Variants in RUNX2 observed in about 807,000 individuals in gnomAD.
RUNX2 encodes RUNX family transcription factor 2.
Under a neutral mutation model 51.7 loss-of-function variants are expected in RUNX2, and 10 were observed. That is an observed-to-expected ratio of 0.19 (90% confidence interval 0.12 to 0.33). The LOEUF (loss-of-function observed/expected upper bound fraction) is 0.33, where lower values mean the gene tolerates loss of function less well. Ranked by LOEUF, RUNX2 falls within the 10% of genes least tolerant of loss-of-function variation. The probability of loss-of-function intolerance (pLI) is 1.00; values close to 1 mark genes in which losing one functional copy is unlikely to be tolerated. For missense variants in RUNX2, 562 were observed against 691.3 expected, an observed-to-expected ratio of 0.81 and a Z score of 2.10; for synonymous variants, 276 against 273.6, an observed-to-expected ratio of 1.01 and a Z score of -0.09.
chr6:45,343,108 T>A (rs1790151396), intron 2 of RUNX2, among the ~76,000 whole-genome samples: 1 of 152,320 alleles, frequency 6.6e-6, no homozygotes, highest in Non-Finnish European at 1.5e-5. Flanking sequence ...ATTACAATTA[T>A]TAAATATAAT....
chr6:45,352,381 C>T (rs977926763), intron 2 of RUNX2, among the ~76,000 whole-genome samples: 2 of 151,970 alleles, frequency 1.3e-5, no homozygotes, highest in African/African-American at 4.8e-5. Flanking sequence ...AGTTTATGAA[C>T]TCTTATTATA....
intron 5 of RUNX2, among the ~76,000 whole-genome samples, chr6:45,482,088 G>A (rs1271673408): frequency 6.6e-6 from 1 of 152,220 alleles, no homozygotes; most frequent in Non-Finnish European, 1.5e-5. Flanking sequence ...ACATGGGAGA[G>A]GAGCTACGGC....
intron 2 of RUNX2, among the ~76,000 whole-genome samples, chr6:45,334,328 A>G (rs1788106040): frequency 6.6e-6 from 1 of 150,984 alleles, no homozygotes; most frequent in South Asian, 2.1e-4. Context: ...ACTAAGTTAA[A>G]ACTCAAGAAC....
chr6:45,498,925 G>GAAAC (rs1800723777), intron 6 of RUNX2, among the ~76,000 whole-genome samples: 1 of 152,194 alleles, frequency 6.6e-6, no homozygotes, highest in African/African-American at 2.4e-5. Flanking sequence ...TCTTTAATGT[G>GAAAC]AAACAAGTTG....
At chr6:45,466,715 A>C (rs923065337) in intron 5 of RUNX2, among the ~76,000 whole-genome samples, 1 of 152,218 alleles carries the variant, frequency 6.6e-6, no homozygotes, top group African/African-American at 2.4e-5. Flanking sequence ...TGGAGAGATA[A>C]ATCCTATTTC....
intron 5 of RUNX2, among the ~76,000 whole-genome samples, chr6:45,450,382 T>G (rs1034884667): frequency 6.6e-6 from 1 of 152,224 alleles, no homozygotes; most frequent in African/African-American, 2.4e-5. Context: ...TGTAAATATT[T>G]CCGGCATGGG....
intron 2 of RUNX2, among the ~76,000 whole-genome samples, chr6:45,331,131 G>A (rs1200252704): frequency 4.9e-5 from 7 of 142,138 alleles, no homozygotes; most frequent in Admixed American, 7.5e-5. Context: ...GTGTGTGCGC[G>A]CGCGCGCGCA....
intron 3 of RUNX2, among the ~76,000 whole-genome samples, chr6:45,430,416 G>A (rs948103185): frequency 1.3e-5 from 2 of 152,108 alleles, no homozygotes; most frequent in African/African-American, 2.4e-5. Flanking sequence ...TGGAAGGAAT[G>A]GAACTGAGAA....
intron 2 of RUNX2, among the ~76,000 whole-genome samples, chr6:45,387,174 T>C (rs1797367620): frequency 6.6e-6 from 1 of 152,188 alleles, no homozygotes; most frequent in South Asian, 2.1e-4. Flanking sequence ...GTTTCTTGAC[T>C]TACTGAGTGG....
At chr6:45,415,789 A>G (rs2150358765) in intron 2 of RUNX2, among the ~76,000 whole-genome samples, 1 of 152,342 alleles carries the variant, frequency 6.6e-6, no homozygotes, top group East Asian at 1.9e-4. Context: ...ATAAAGAGAA[A>G]TATTTAATGG....
At chr6:45,503,148 G>A (rs1800848759) in intron 6 of RUNX2, among the ~76,000 whole-genome samples, 2 of 151,994 alleles carry the variant, frequency 1.3e-5, no homozygotes, top group African/African-American at 4.8e-5. Context: ...CCATTTTATG[G>A]TACCATGAAC....
At chr6:45,495,325 A>G (rs963593254) in intron 6 of RUNX2, among the ~76,000 whole-genome samples, 3 of 152,228 alleles carry the variant, frequency 2.0e-5, no homozygotes, top group Non-Finnish European at 2.9e-5. Context: ...AGAGGATATC[A>G]TATCTGTCTT....
chr6:45,371,069 C>A (rs1362821069), intron 2 of RUNX2, among the ~76,000 whole-genome samples: 3 of 152,092 alleles, frequency 2.0e-5, no homozygotes, highest in Non-Finnish European at 4.4e-5. Flanking sequence ...TAAAGAGTTA[C>A]TTAATGGTTA....
At chr6:45,364,981 GAACT>G (rs546593485) in intron 2 of RUNX2, among the ~76,000 whole-genome samples, 1 of 152,144 alleles carries the variant, frequency 6.6e-6, no homozygotes, top group East Asian at 1.9e-4. Flanking sequence ...TTATAAAGAT[GAACT>G]AATACTCATT....
intron 2 of RUNX2, among the ~76,000 whole-genome samples, chr6:45,379,020 C>T (rs1039103581): frequency 1.3e-5 from 2 of 152,154 alleles, no homozygotes; most frequent in African/African-American, 2.4e-5. Context: ...ATTTTCTTGC[C>T]TATAGATACT....
At chr6:45,453,141 C>G (rs1799222736) in intron 5 of RUNX2, among the ~76,000 whole-genome samples, 1 of 152,074 alleles carries the variant, frequency 6.6e-6, no homozygotes, top group African/African-American at 2.4e-5. Flanking sequence ...TTTCAAACCT[C>G]TTCTAAAGAT....
At chr6:45,509,377 A>T (rs1403092292) in intron 6 of RUNX2, among the ~76,000 whole-genome samples, 2 of 152,210 alleles carry the variant, frequency 1.3e-5, no homozygotes, top group African/African-American at 4.8e-5. Context: ...AGTGCCAGGT[A>T]CCATATTAGA....
At chr6:45,331,136 C>T (rs761412694) in intron 2 of RUNX2, among the ~76,000 whole-genome samples, 18 of 151,768 alleles carry the variant, frequency 1.2e-4, no homozygotes, top group East Asian at 5.8e-4. Context: ...TGCGCGCGCG[C>T]GCGCACATGC....
chr6:45,349,970 G>T (rs903455075), intron 2 of RUNX2, among the ~76,000 whole-genome samples: 5 of 151,918 alleles, frequency 3.3e-5, no homozygotes, highest in Admixed American at 6.6e-5. Flanking sequence ...GTTTTCAAAG[G>T]TTTTATTAGT....
Sources: allele counts gnomAD v4.1 joint callset (sites outside exome capture counted in the v4.1 genomes callset), GRCh38; gene constraint gnomAD v4.1.1; transcripts MANE v1.5; gene names NCBI Gene and HGNC (gene_info 2026-07-23, HGNC 2026-07-21).